Variants in MKLN1 observed in about 807,000 individuals in gnomAD.
MKLN1 encodes the protein muskelin 1, also known as muskelin.
A neutral mutation model predicts 99.0 loss-of-function variants in MKLN1; 18 were observed. The observed-to-expected ratio is 0.18, with a 90% CI of 0.13 to 0.27. MKLN1 has a LOEUF of 0.27. MKLN1 is among the 10% of genes least tolerant of loss of function. The pLI, the probability that MKLN1 is intolerant of heterozygous loss-of-function variation, is 1.00. For synonymous variants in MKLN1, 288 were observed against 293.2 expected, an observed-to-expected ratio of 0.98 and a Z score of 0.18; for missense variants, 621 against 875.9, an observed-to-expected ratio of 0.71 and a Z score of 3.67.
At chr7:131,382,879 A>G (rs1232337275) in intron 2 of MKLN1, among the ~76,000 whole-genome samples, 1 of 151,878 alleles carries the variant, frequency 6.6e-6, no homozygotes, top group African/African-American at 2.4e-5. Flanking sequence ...GCCCACCACC[A>G]CGCCCGGCTA....
intron 3 of MKLN1, among the ~76,000 whole-genome samples, chr7:131,308,619 C>G (rs1436549772): frequency 6.7e-6 from 1 of 148,156 alleles, no homozygotes; most frequent in Non-Finnish European, 1.5e-5. Context: ...GAGTTTCACT[C>G]CTTTTGCCCA....
chr7:131,440,085 G>C (rs1410938100), intron 10 of MKLN1, among the ~76,000 whole-genome samples: 1 of 152,202 alleles, frequency 6.6e-6, no homozygotes, highest in Admixed American at 6.5e-5. Flanking sequence ...GTATGTCACA[G>C]TGAGAAGTGT....
At position 131,156,558 on chromosome 7, in the gene MKLN1, C is replaced by G. The variant is rs189506155; in HGVS notation, c.-297+13617C>G. 2.8e-3 allele frequency among the ~76,000 whole-genome samples: 424 copies of G among 151,914 alleles called. 3 individuals are homozygous for G. The highest frequency in any genetic ancestry group is 3.8e-3 in the Admixed American group (58 of 15,240). ...GCTAGCGATGTGCAGATACTACTCT[C>G]TCGTGAAGCTGGGCCAAATCACCTA... On this transcript the variant is annotated intron_variant, in intron 2 of 7. Coordinates refer to the MKLN1 transcript ENST00000416992.
At chr7:131,437,670 GA>G (rs1795712663) in intron 9 of MKLN1, 114 bp from the exon 10 acceptor site, 1 of 789,814 alleles carries the variant, frequency 1.3e-6, no homozygotes. Context: ...GAGTTTCTGA[GA>G]AACCTTTTAA....
At chr7:131,205,907 TTTC>T (rs1796802990) in intron 3 of MKLN1, among the ~76,000 whole-genome samples, 1 of 151,882 alleles carries the variant, frequency 6.6e-6, no homozygotes, top group Non-Finnish European at 1.5e-5. Context: ...TTTTTTTTTT[TTTC>T]TGAAACAGAG....
At chr7:131,277,825 G>A (rs1039664004) in intron 3 of MKLN1, among the ~76,000 whole-genome samples, 1 of 152,210 alleles carries the variant, frequency 6.6e-6, no homozygotes, top group African/African-American at 2.4e-5. Flanking sequence ...GGATATCCCA[G>A]TTACACTGAT....
rs1336283101 is a variant in MKLN1, at chr7:131,160,489, A to G, written c.-297+17548A>G. On this transcript the variant is annotated intron_variant, in intron 2 of 7. Transcript: ENST00000416992. ...ATGTTTAACTTATTTTATTATTATTATTAATTATTATTATTATTATTATTA... is the reference window on the plus strand; with the variant it reads ...ATGTTTAACTTATTTTATTATTATTGTTAATTATTATTATTATTATTATTA... 2.3e-5 allele frequency among the ~76,000 whole-genome samples: 3 copies of G among 128,048 alleles called. No homozygotes were observed. In the Admixed American group the frequency reaches 2.5e-4, roughly 11 times the overall value. The allele number at this position is 128,048 out of a possible 152,430, so 84.0% of individuals were successfully genotyped here.
chr7:131,440,580 A>G (rs531390475), intron 10 of MKLN1, among the ~76,000 whole-genome samples: 12 of 152,290 alleles, frequency 7.9e-5, no homozygotes, highest in Non-Finnish European at 4.4e-5. Context: ...ATCCCAGTAC[A>G]TTACCCCTTT....
chr7:131,247,366 C>G (rs1393602900), intron 3 of MKLN1, among the ~76,000 whole-genome samples: 1 of 151,712 alleles, frequency 6.6e-6, no homozygotes, highest in Admixed American at 6.6e-5. Context: ...GGCACACGCA[C>G]CACCACGCCC....
At chr7:131,470,785 G>A (rs1796797739) in intron 15 of MKLN1, 57 bp from the exon 16 acceptor site, 2 of 1,123,162 alleles carry the variant, frequency 1.8e-6, no homozygotes, top group African/African-American at 1.5e-5. Context: ...AGGTCTGAAA[G>A]ACATTTCTGA....
intron 3 of MKLN1, chr7:131,309,845 C>T (rs1158861837): frequency 2.0e-5 from 3 of 150,662 alleles, no homozygotes; most frequent in East Asian, 2.0e-4. Context: ...CCTGCCTCAG[C>T]CTCCCGAGTA....
chr7:131,114,841 C>A (rs1018582664), intron 1 of MKLN1, among the ~76,000 whole-genome samples: 4 of 151,272 alleles, frequency 2.6e-5, no homozygotes, highest in Non-Finnish European at 5.9e-5. Flanking sequence ...GGAGCTGAGA[C>A]ACAAGAATCT....
rs1402572188 is a variant in MKLN1, at chr7:131,489,149, A to G, written c.*1421A>G. 6.6e-6 allele frequency: 1 copy of G among 152,164 alleles called. No homozygotes were observed. Among genetic ancestry groups the G allele is most frequent in the African/African-American group, 2.4e-5 (1 of 41,458 alleles). The allele number at this position is 152,164 out of a possible 1,614,324, so 9.4% of individuals were successfully genotyped here. ...ATTAGGCCTCACCAAAGAAGAAATT[A>G]ACCTGCACTTTCAAAAAGTACCATG... On this transcript the variant is annotated 3_prime_UTR_variant, in exon 18 of 18. Transcript: ENST00000352689.
At chr7:131,350,260 T>C (rs945450354) in intron 1 of MKLN1, among the ~76,000 whole-genome samples, 2 of 151,600 alleles carry the variant, frequency 1.3e-5, no homozygotes, top group African/African-American at 4.8e-5. Flanking sequence ...GGGGTCTCGC[T>C]ATGTTGCCCA....
At chr7:131,414,989 G>A (rs149867118) in intron 8 of MKLN1, among the ~76,000 whole-genome samples, 1 of 152,158 alleles carries the variant, frequency 6.6e-6, no homozygotes, top group African/African-American at 2.4e-5. Flanking sequence ...GGAATAAAGA[G>A]AACTAAGATA....
chr7:131,399,337 G>A lies in MKLN1; in HGVS notation c.607G>A (p.Ala203Thr), dbSNP rs1284208983. ...GTCACTGCAAAAGAAAACCAAGATT[G>A]CACTGGAACATCCCATGTTAACAGA... ...FESLQKKTKI[A>T]LEHPMLTDIH... Residue 203 changes from alanine (A) to threonine (T), a missense_variant, in exon 6 of 18, where the codon GCA becomes ACA. By Grantham distance (58) the Ala-to-Thr change is moderately conservative (BLOSUM62 0). Transcript: ENST00000352689. The A allele has an allele frequency of 1.2e-6, 2 of 1,613,832 alleles. No homozygotes were observed. Among genetic ancestry groups the A allele is most frequent in the Admixed American group, 1.7e-5 (1 of 59,994 alleles).
intron 2 of MKLN1, among the ~76,000 whole-genome samples, chr7:131,201,783 T>C (rs1796732020): frequency 6.6e-6 from 1 of 152,204 alleles, no homozygotes; most frequent in African/African-American, 2.4e-5. Flanking sequence ...TTCTGACAAA[T>C]GAGTGTTGCT....
intron 8 of MKLN1, 21 bp from the exon 9 acceptor site, chr7:131,429,012 A>G (rs368529540): frequency 5.6e-6 from 9 of 1,592,998 alleles, no homozygotes; most frequent in Middle Eastern, 1.7e-4. Flanking sequence ...TTTTTTACAC[A>G]TATTTTTCTG....
At chr7:131,229,313 G>GC (rs138341330) in intron 3 of MKLN1, among the ~76,000 whole-genome samples, 11,791 of 151,490 alleles carry the variant, frequency 0.078, 505 homozygotes, top group Middle Eastern at 0.12. Context: ...TCCTCCTCTA[G>GC]CCCCCCACCT....
Sources: allele counts gnomAD v4.1 joint callset (sites outside exome capture counted in the v4.1 genomes callset), GRCh38; gene constraint gnomAD v4.1.1; transcripts MANE v1.5; gene names NCBI Gene and HGNC (gene_info 2026-07-23, HGNC 2026-07-21).